POT1: variants seen among roughly 807,000 people sequenced by gnomAD.
POT1 encodes the protein protection of telomeres protein 1.
POT1 carries 47 observed loss-of-function variants against 78.5 expected under a neutral mutation model. That is an observed-to-expected ratio of 0.60 (90% confidence interval 0.47 to 0.76). The LOEUF is 0.76. Ranked by LOEUF, POT1 falls within the 30% of genes least tolerant of loss-of-function variation. The pLI, the probability that POT1 is intolerant of heterozygous loss-of-function variation, is 0.00. For missense variants in POT1, 646 were observed against 749.9 expected (o/e 0.86, Z 1.62); for synonymous variants, 259 against 260.7 (o/e 0.99, Z 0.06).
chr7:124,926,982 C>T (rs1450808854), intron 2 of POT1, among the ~76,000 whole-genome samples: 2 of 152,246 alleles, frequency 1.3e-5, no homozygotes, highest in African/African-American at 2.4e-5. Flanking sequence ...GTACAAGCTG[C>T]ATTGCTCCAG....
chr7:124,879,256 G>A (rs1216203594), intron 6 of POT1, among the ~76,000 whole-genome samples: 1 of 152,138 alleles, frequency 6.6e-6, no homozygotes, highest in East Asian at 1.9e-4. Context: ...GAAATCTAGA[G>A]TTTTGGAAAT....
chr7:124,893,643 T>C (rs1399135726), intron 5 of POT1, among the ~76,000 whole-genome samples: 1 of 151,652 alleles, frequency 6.6e-6, no homozygotes, highest in Non-Finnish European at 1.5e-5. Flanking sequence ...TATCACAGTA[T>C]GAATTTCCAT....
chr7:124,874,998 A>G (rs1795955449), intron 6 of POT1, among the ~76,000 whole-genome samples: 1 of 152,130 alleles, frequency 6.6e-6, no homozygotes, highest in Non-Finnish European at 1.5e-5. Context: ...CAGAAAGAGT[A>G]AAAATATATT....
intron 6 of POT1, among the ~76,000 whole-genome samples, chr7:124,883,032 C>T (rs559846034): frequency 1.3e-5 from 2 of 152,002 alleles, no homozygotes; most frequent in East Asian, 1.9e-4. Context: ...CTCAACTACC[C>T]AAATCTTTAA....
At chr7:124,870,880 AAATAT>A (rs1795850513) in intron 7 of POT1, 26 bp downstream of exon 7, 6 of 1,534,478 alleles carry the variant, frequency 3.9e-6, no homozygotes, top group Non-Finnish European at 8.8e-7. Flanking sequence ...CTCTTCAAAT[AAATAT>A]AAGTTCTAGA....
chr7:124,857,793 A>G (rs531208587), intron 9 of POT1, among the ~76,000 whole-genome samples: 1 of 152,140 alleles, frequency 6.6e-6, no homozygotes, highest in Non-Finnish European at 1.5e-5. Flanking sequence ...TGGATGCTAC[A>G]CAAGAGCTCG....
chr7:124,834,807 C>A (rs148831084), intron 15 of POT1, among the ~76,000 whole-genome samples: 1 of 152,168 alleles, frequency 6.6e-6, no homozygotes, highest in Non-Finnish European at 1.5e-5. Flanking sequence ...ACGTTTATTG[C>A]AGCACTATTC....
chr7:124,863,358 G>C lies in POT1; in HGVS notation c.538C>G (p.Leu180Val), dbSNP rs1795645185. Residue 180 changes from leucine to valine, a missense_variant, in exon 8 of 19, where the codon CTT becomes GTT. By Grantham distance (32) the Leu-to-Val change is conservative. This residue lies in a region of POT1 where 252 missense variants were observed against 341.4 expected (regional missense o/e 0.74). Coordinates refer to ENST00000357628, the MANE Select transcript of POT1 (RefSeq NM_015450.3). ...GKAEVDGASF[L>V]LKVWDGTRTP... Reference sequence around the variant, plus strand: ...TATTAAAAAATATGTACCTTTAGAAGAAATGATGCTCCGTCCACTTCTGCT... The same window carrying C: ...TATTAAAAAATATGTACCTTTAGAACAAATGATGCTCCGTCCACTTCTGCT... The C allele has an allele frequency of 6.2e-7, 1 of 1,610,900 alleles. No homozygotes were observed. Among genetic ancestry groups the C allele is most frequent in the Non-Finnish European group, 8.5e-7 (1 of 1,178,866 alleles).
In POT1 at chr7:124,822,798, G is replaced by A. The variant is rs188417479; in HGVS notation, c.*1164C>T. On this transcript the variant is annotated 3_prime_UTR_variant, in exon 19 of 19. Coordinates refer to ENST00000357628, the MANE Select transcript of POT1 (RefSeq NM_015450.3). Reference sequence around the variant, plus strand: ...ATGTACTCAGGAACTAGAATTTAGAGTTATTATGAGCAAAGAAAGTCAGTT... The same window carrying A: ...ATGTACTCAGGAACTAGAATTTAGAATTATTATGAGCAAAGAAAGTCAGTT... 1.2e-3 allele frequency: 226 copies of A among 181,584 alleles called. 2 individuals carry two copies. The highest frequency in any genetic ancestry group is 4.3e-3 in the African/African-American group (187 of 43,380). The allele number at this position is 181,584 out of a possible 1,614,324, so 11.2% of individuals were successfully genotyped here.
chr7:124,895,886 A>G lies in POT1; in HGVS notation c.9+1279T>C, dbSNP rs1318128040. 2.0e-5 allele frequency among the ~76,000 whole-genome samples: 3 copies of G among 151,724 alleles called. No homozygotes were observed. The East Asian group carries it at 5.8e-4, about 29-fold the overall frequency. On this transcript the variant is annotated intron_variant, in intron 5 of 18. Coordinates refer to ENST00000357628, the MANE Select transcript of POT1 (RefSeq NM_015450.3). The stretch of plus-strand genomic sequence containing the variant: ...TGAATAAAAATATAGGGGATAGTTT[A>G]TATTGGGCCTTCAGATCACATAAGT...
chr7:124,912,468 T>C (rs1296593363), intron 3 of POT1, among the ~76,000 whole-genome samples: 3 of 152,152 alleles, frequency 2.0e-5, no homozygotes, highest in African/African-American at 4.8e-5. Context: ...TACTTGTCAG[T>C]CTTTTCTTCA....
intron 3 of POT1, among the ~76,000 whole-genome samples, chr7:124,914,122 G>A (rs914517405): frequency 7.5e-4 from 102 of 136,842 alleles, no homozygotes; most frequent in African/African-American, 2.7e-3. Flanking sequence ...GTGACAGAAC[G>A]AGACTCTGTC....
At position 124,859,129 on chromosome 7, in the gene POT1, G is replaced by C; in HGVS notation, c.547-17C>G. ...ATCCCATACCTGCCATAAGAGAGTA[G>C]AGTAGTTTTATGATCCTTTTGAAAA... is the stretch of plus-strand genomic sequence containing the variant. On this transcript the variant is annotated splice_polypyrimidine_tract_variant and intron_variant, in intron 8 of 18. Transcript: ENST00000357628. 4 of 1,500,556 alleles carry C rather than the reference G, an allele frequency of 2.7e-6. No individual in the cohort carries two copies. The highest frequency in any genetic ancestry group is 3.6e-6 in the Non-Finnish European group (4 of 1,119,930). The allele number at this position is 1,500,556 out of a possible 1,614,324, so 93.0% of individuals were successfully genotyped here.
chr7:124,847,049 G>A, intron 11 of POT1, 51 bp from the exon 12 acceptor site: 2 of 1,268,304 alleles, frequency 1.6e-6, no homozygotes, highest in Non-Finnish European at 2.3e-6. Flanking sequence ...CTTCATTGTA[G>A]AACTGAAAAC....
chr7:124,843,690 T>C (rs1036969555), intron 12 of POT1, among the ~76,000 whole-genome samples: 4 of 152,238 alleles, frequency 2.6e-5, no homozygotes, highest in East Asian at 1.9e-4. Context: ...AAGTATAAAA[T>C]TGCTGGTGAC....
intron 18 of POT1, among the ~76,000 whole-genome samples, 155 bp downstream of exon 18, chr7:124,825,097 C>G (rs1440055928): frequency 6.6e-6 from 1 of 152,108 alleles, no homozygotes; most frequent in African/African-American, 2.4e-5. Context: ...CCCTGCCACT[C>G]TCTTCATCAA....
At chr7:124,833,498 A>G (rs1794819280) in intron 15 of POT1, among the ~76,000 whole-genome samples, 1 of 152,216 alleles carries the variant, frequency 6.6e-6, no homozygotes, top group Non-Finnish European at 1.5e-5. Flanking sequence ...TGTTTCATCA[A>G]GCAGTAGAGG....
chr7:124,824,197 G>C, intron 18 of POT1, 123 bp from the exon 19 acceptor site: 2 of 582,886 alleles, frequency 3.4e-6, no homozygotes, highest in South Asian at 4.6e-5. Context: ...TGAAAAGTAA[G>C]TAAACGTCCC....
chr7:124,902,136 G>C (rs570777814), intron 3 of POT1, among the ~76,000 whole-genome samples: 1 of 152,250 alleles, frequency 6.6e-6, no homozygotes, highest in African/African-American at 2.4e-5. Flanking sequence ...CTCCAATCCA[G>C]CAAGGCAGGC....
Sources: allele counts gnomAD v4.1 joint callset (sites outside exome capture counted in the v4.1 genomes callset), GRCh38; gene constraint gnomAD v4.1.1; regional missense constraint gnomAD v4.1.1; transcripts MANE v1.5; gene names NCBI Gene and HGNC (gene_info 2026-07-23, HGNC 2026-07-21).